Variants in SLC67A2 observed in about 807,000 individuals in gnomAD.
The protein encoded by SLC67A2 is solute carrier family 67 member A2.
the SLC67A2 span, chr2:102,718,279 G>T: frequency 1.0e-6 from 1 of 967,700 alleles, no homozygotes; most frequent in Non-Finnish European, 1.5e-6. Flanking sequence ...GCCAAGAGCT[G>T]ACCTGGAAGC....
At chr2:102,732,029 T>C in the SLC67A2 span, 1 of 534,688 alleles carries the variant, frequency 1.9e-6, no homozygotes, top group Non-Finnish European at 3.6e-6. Context: ...CCTACCCTTT[T>C]ATACACACAG....
chr2:102,720,794 A>T, the SLC67A2 span, among the ~76,000 whole-genome samples: 1 of 152,224 alleles, frequency 6.6e-6, no homozygotes, highest in Non-Finnish European at 1.5e-5. Context: ...AGGCTTTCTC[A>T]GGCAAAGTGG....
chr2:102,735,846 G>GCACACACA, the SLC67A2 span, among the ~76,000 whole-genome samples: 60 of 149,688 alleles, frequency 4.0e-4, no homozygotes, highest in African/African-American at 1.2e-3. Context: ...ACGCGCGCGC[G>GCACACACA]CACACACACA....
the SLC67A2 span, among the ~76,000 whole-genome samples, chr2:102,727,432 C>T: frequency 1.3e-5 from 2 of 152,148 alleles, no homozygotes; most frequent in Non-Finnish European, 2.9e-5. Context: ...ATACAATATG[C>T]TCTATTTTGT....
chr2:102,725,706 T>C, the SLC67A2 span, among the ~76,000 whole-genome samples: 2 of 65,550 alleles, frequency 3.1e-5, no homozygotes, highest in Admixed American at 2.9e-4. Context: ...TGGTTAAGAA[T>C]GTTGGGGGGG....
At chr2:102,717,573 G>A in the SLC67A2 span, 1 of 152,376 alleles carries the variant, frequency 6.6e-6, no homozygotes. Flanking sequence ...GGCTCTCAGA[G>A]GCAGGGAGCA....
chr2:102,723,683 C>G, the SLC67A2 span: 1 of 1,609,294 alleles, frequency 6.2e-7, no homozygotes, highest in Non-Finnish European at 8.5e-7. Flanking sequence ...ACAATCTTCT[C>G]ATGATTGTCA....
At chr2:102,735,985 T>G in the SLC67A2 span, among the ~76,000 whole-genome samples, 3 of 151,984 alleles carry the variant, frequency 2.0e-5, no homozygotes, top group Admixed American at 2.0e-4. Flanking sequence ...CTAGTGAAAA[T>G]GCACCCAATT....
the SLC67A2 span, chr2:102,732,061 A>G: frequency 2.8e-5 from 17 of 601,894 alleles, no homozygotes; most frequent in South Asian, 1.5e-4. Context: ...CAGAGGCTCC[A>G]TAAGTACCTG....
the SLC67A2 span, chr2:102,736,591 T>A: frequency 6.2e-7 from 1 of 1,612,856 alleles, no homozygotes; most frequent in Non-Finnish European, 8.5e-7. Flanking sequence ...ACCGCCTGGG[T>A]CCCCAGGCCC....
the SLC67A2 span, among the ~76,000 whole-genome samples, chr2:102,725,844 T>C: frequency 1.3e-5 from 2 of 152,140 alleles, no homozygotes; most frequent in Non-Finnish European, 2.9e-5. Context: ...CTCTATTTAT[T>C]TGGGGAGTCA....
At chr2:102,725,464 A>G in the SLC67A2 span, among the ~76,000 whole-genome samples, 1 of 152,226 alleles carries the variant, frequency 6.6e-6, no homozygotes, top group African/African-American at 2.4e-5. Flanking sequence ...CTACGTTCTT[A>G]TTCATCTTCC....
At chr2:102,736,406 G>A in the SLC67A2 span, 1 of 1,084,582 alleles carries the variant, frequency 9.2e-7, no homozygotes, top group Non-Finnish European at 1.3e-6. Flanking sequence ...AGGCAGGGAA[G>A]GGAAGACGTT....
chr2:102,731,876 T>C, the SLC67A2 span: 1 of 293,778 alleles, frequency 3.4e-6, no homozygotes, highest in East Asian at 9.6e-5. Context: ...ATCTATGATG[T>C]GTTGGTGACG....
chr2:102,731,200 C>A, the SLC67A2 span: 2 of 595,682 alleles, frequency 3.4e-6, no homozygotes, highest in Non-Finnish European at 5.5e-6. Context: ...AATTATCTCA[C>A]ATCTTTTTTT....
At chr2:102,729,038 T>C in the SLC67A2 span, among the ~76,000 whole-genome samples, 1 of 152,226 alleles carries the variant, frequency 6.6e-6, no homozygotes, top group Non-Finnish European at 1.5e-5. Context: ...AATATACTTT[T>C]TCTGTATAAA....
At chr2:102,729,766 C>G in the SLC67A2 span, among the ~76,000 whole-genome samples, 2 of 151,962 alleles carry the variant, frequency 1.3e-5, no homozygotes, top group African/African-American at 4.8e-5. Context: ...AAGAAAGATA[C>G]CAAACTACTT....
the SLC67A2 span, among the ~76,000 whole-genome samples, chr2:102,733,484 T>A: frequency 1.3e-5 from 2 of 152,308 alleles, no homozygotes; most frequent in East Asian, 1.9e-4. Flanking sequence ...CATGGTTACA[T>A]CTTTAGATGA....
At chr2:102,729,676 G>T in the SLC67A2 span, among the ~76,000 whole-genome samples, 3 of 152,150 alleles carry the variant, frequency 2.0e-5, no homozygotes, top group Admixed American at 2.0e-4. Context: ...TATGGGCTTA[G>T]AGTCTAAATA....
Sources: allele counts gnomAD v4.1 joint callset (sites outside exome capture counted in the v4.1 genomes callset), GRCh38; gene constraint gnomAD v4.1.1; transcripts MANE v1.5; gene names NCBI Gene and HGNC (gene_info 2026-07-23, HGNC 2026-07-21).